The following EP400 variants were observed in gnomAD, a reference collection of about 807,000 sequenced individuals.
EP400 encodes the protein E1A-binding protein p400.
EP400 carries 105 observed loss-of-function variants against 354.1 expected under a neutral mutation model. The ratio of observed to expected loss-of-function variants is 0.30; its 90% CI spans 0.25 to 0.35. The LOEUF is 0.35. Among genes scored for constraint, EP400 ranks in the 10% least tolerant of loss-of-function variants. The pLI is 1.00. For missense variants in EP400, 3,280 were observed against 4,121.0 expected (o/e 0.80, Z 5.59); for synonymous variants, 1,646 against 1,716.9 (o/e 0.96, Z 1.02).
In EP400 at chr12:131,995,047, C is replaced by T. The variant is rs1893157644; in HGVS notation, c.2827+91C>T. 14 of 1,218,884 alleles carry T rather than the reference C, an allele frequency of 1.1e-5. No individual in the cohort carries two copies. The East Asian group carries it at 3.0e-4, about 26-fold the overall frequency. 75.5% of individuals were successfully genotyped at this position (1,218,884 alleles called of 1,614,324 possible). A position where few individuals can be genotyped will look rare whatever the true frequency, so the allele number is the denominator to read the frequency against. ...TGAATAATAATATATTGAGTAACAACAGCAGCAGTGCCTGTTTTATGGAAA... is the reference window on the plus strand; with the variant it reads ...TGAATAATAATATATTGAGTAACAATAGCAGCAGTGCCTGTTTTATGGAAA... On this transcript the variant is annotated intron_variant, in intron 12 of 52. Transcript: ENST00000389561.
chr12:132,060,947 C>CA (rs574290760), intron 45 of EP400, among the ~76,000 whole-genome samples: 78 of 146,320 alleles, frequency 5.3e-4, no homozygotes, highest in Non-Finnish European at 8.9e-4. Context: ...CAAAACAAAA[C>CA]AAAAAAAAAC....
At position 132,045,551 on chromosome 12, in the gene EP400, G is replaced by C. The variant is rs755106829; in HGVS notation, c.7017G>C (p.Ala2339=). 1 of 1,613,886 alleles carries C rather than the reference G, an allele frequency of 6.2e-7. No individual in the cohort carries two copies. Among genetic ancestry groups the C allele is most frequent in the East Asian group, 2.2e-5 (1 of 44,870 alleles). The change falls in exon 38 of 53, where the codon GCG becomes GCC. Residue 2339 remains alanine, a synonymous_variant. Coordinates refer to ENST00000389561, the MANE Select transcript of EP400 (RefSeq NM_015409.5). ...AGTGGCTCATCAGTGAGGACTGGGC[G>C]CTGCTGCAGGTAGGTGGGCGTGGTC... The part of the protein sequence containing the change: ...NPEWLISEDW[A]LLQAVKQLLE...
chr12:131,957,189 A>C (rs1213850248), intron 1 of EP400, among the ~76,000 whole-genome samples: 1 of 151,818 alleles, frequency 6.6e-6, no homozygotes, highest in East Asian at 1.9e-4. Flanking sequence ...TCTTTAATTA[A>C]TTTTTCTACT....
intron 27 of EP400, among the ~76,000 whole-genome samples, chr12:132,028,617 TAA>T (rs1894385496): frequency 6.6e-6 from 1 of 152,190 alleles, no homozygotes. Context: ...ATGATTGCAT[TAA>T]AAGAGCCCCA....
chr12:132,072,228 C>G (rs986406901), intron 51 of EP400, among the ~76,000 whole-genome samples: 1 of 152,206 alleles, frequency 6.6e-6, no homozygotes, highest in Non-Finnish European at 1.5e-5. Context: ...CCGGAGGGCC[C>G]GGGACCGCAG....
intron 3 of EP400, among the ~76,000 whole-genome samples, chr12:131,980,834 G>A (rs942057422): frequency 1.3e-5 from 2 of 151,848 alleles, no homozygotes; most frequent in African/African-American, 4.9e-5. Flanking sequence ...TTATAAGCGT[G>A]AGCCACCGCG....
At chr12:132,016,103 C>T (rs555201988) in intron 19 of EP400, among the ~76,000 whole-genome samples, 1 of 152,238 alleles carries the variant, frequency 6.6e-6, no homozygotes, top group Non-Finnish European at 1.5e-5. Flanking sequence ...CCGGAACCAT[C>T]CGTCGTCTCA....
intron 50 of EP400, 141 bp from the exon 51 acceptor site, chr12:132,069,354 A>G (rs990549916): frequency 6.8e-6 from 8 of 1,176,574 alleles, no homozygotes; most frequent in African/African-American, 1.5e-5. Flanking sequence ...GGGGCAGGAG[A>G]TGTGGGTATG....
chr12:132,044,776 A>G (rs756511002), intron 36 of EP400, 24 bp from the exon 37 acceptor site: 1 of 1,613,972 alleles, frequency 6.2e-7, no homozygotes, highest in Non-Finnish European at 8.5e-7. Context: ...TCCACATCTC[A>G]TGGGCCTTCC....
chr12:132,005,454 C>T (rs1234270759), intron 13 of EP400, among the ~76,000 whole-genome samples: 3 of 151,990 alleles, frequency 2.0e-5, no homozygotes, highest in Admixed American at 2.0e-4. Flanking sequence ...TTTTATGGAC[C>T]TAGATATATT....
At chr12:132,023,458 TTTC>T (rs1228380860) in intron 23 of EP400, among the ~76,000 whole-genome samples, 3 of 151,974 alleles carry the variant, frequency 2.0e-5, no homozygotes, top group Non-Finnish European at 1.5e-5. Flanking sequence ...ACCCAGCTGA[TTTC>T]TGCTATTTTT....
chr12:131,981,538 C>G lies in EP400; in HGVS notation c.1485C>G (p.Phe495Leu), dbSNP rs1440725595. 6.2e-7 allele frequency: 1 copy of G among 1,600,204 alleles called. No homozygotes were observed. The highest frequency in any genetic ancestry group is 8.5e-7 in the Non-Finnish European group (1 of 1,173,682). The change falls in exon 4 of 53, where the codon TTC becomes TTG. Residue 495 changes from phenylalanine (F) to leucine (L), a missense_variant. Coordinates refer to ENST00000389561, the MANE Select transcript of EP400 (RefSeq NM_015409.5). ...AAGTGGGTCACCAAGGGGTAGTTTT[C>G]CAGCACCCAGGGGCGGACGCAGGCG... ...RLEVGHQGVV[F>L]QHPGADAGVP...
At chr12:132,061,861 T>C (rs543853900) in intron 45 of EP400, among the ~76,000 whole-genome samples, 2 of 152,390 alleles carry the variant, frequency 1.3e-5, no homozygotes, top group South Asian at 2.1e-4. Context: ...TTCCAGCATG[T>C]GCACGGGCGT....
At chr12:132,059,025 G>GT (rs1366125639) in intron 45 of EP400, among the ~76,000 whole-genome samples, 3 of 152,096 alleles carry the variant, frequency 2.0e-5, no homozygotes, top group African/African-American at 7.2e-5. Flanking sequence ...AAGAACTGAA[G>GT]TTATTGGATA....
chr12:132,009,239 A>G (rs1893684712), intron 15 of EP400, among the ~76,000 whole-genome samples: 1 of 151,870 alleles, frequency 6.6e-6, no homozygotes, highest in African/African-American at 2.4e-5. Flanking sequence ...GCCTGGAAGT[A>G]GCCTATGCTT....
Position 132,025,566 on chromosome 12 carries a change from T to A in EP400, c.4856-80T>A, listed in dbSNP as rs1649564541. ...TTTTCAGTTTGTCAACTTATTTTTG[T>A]ACTGTTTGGAAGTGCCTGGAGTGTG... On this transcript the variant is annotated intron_variant, in intron 24 of 52. Coordinates refer to ENST00000389561, the MANE Select transcript of EP400 (RefSeq NM_015409.5). The surrounding 1 kb of genome is among the most constrained non-coding windows in gnomAD (Gnocchi z 4.1). 2.2e-5 allele frequency: 30 copies of A among 1,378,798 alleles called. 1 individual carries two copies. In the South Asian group the frequency reaches 2.5e-4, roughly 11 times the overall value. The allele number at this position is 1,378,798 out of a possible 1,614,324, so 85.4% of individuals were successfully genotyped here.
Position 132,076,511 on chromosome 12 carries a change from C to G in EP400, c.9022-5C>G, listed in dbSNP as rs1471929922. 2.5e-6 allele frequency: 4 copies of G among 1,613,910 alleles called. No homozygotes were observed. The highest frequency in any genetic ancestry group is 3.4e-6 in the Non-Finnish European group (4 of 1,180,000). ...GTATGTTTGGCTTTTTTTGTTTTGTCAAAGGTTGCAAAACTTCCTCAAGTT... is the reference window on the plus strand; with the variant it reads ...GTATGTTTGGCTTTTTTTGTTTTGTGAAAGGTTGCAAAACTTCCTCAAGTT... On this transcript the variant is annotated splice_polypyrimidine_tract_variant and splice_region_variant and intron_variant, in intron 51 of 52. Transcript: ENST00000389561.
chr12:131,950,185 C>T (rs1449305738), intron 1 of EP400, 149 bp downstream of exon 1: 1 of 151,930 alleles, frequency 6.6e-6, no homozygotes, highest in Non-Finnish European at 1.5e-5. Flanking sequence ...GCCGTGGCGG[C>T]TGTCGTGAGC....
chr12:132,066,958 A>G lies in EP400; in HGVS notation c.8738A>G (p.Gln2913Arg). 7.5e-6 allele frequency: 12 copies of G among 1,597,818 alleles called. No homozygotes were observed. Among genetic ancestry groups the G allele is most frequent in the Non-Finnish European group, 1.0e-5 (12 of 1,171,508 alleles). The change falls in exon 49 of 53, where the codon CAG (glutamine) becomes CGG (arginine). Residue 2913 changes from glutamine to arginine, a missense_variant. This residue lies in a region of EP400 where 279 missense variants were observed against 386.7 expected (regional missense o/e 0.72). Coordinates refer to ENST00000389561, the MANE Select transcript of EP400 (RefSeq NM_015409.5). ...AGISVAIGQP[Q>R]KAAGQTVVAQ... The stretch of plus-strand genomic sequence containing the variant: ...ATCAGCGTGGCGATCGGTCAGCCAC[A>G]GAAGGCAGCAGGTGCCCGCCCCAGC...
Sources: allele counts gnomAD v4.1 joint callset (sites outside exome capture counted in the v4.1 genomes callset), GRCh38; gene constraint gnomAD v4.1.1; regional missense constraint gnomAD v4.1.1; non-coding constraint Gnocchi (gnomAD v3.1); transcripts MANE v1.5; gene names NCBI Gene and HGNC (gene_info 2026-07-23, HGNC 2026-07-21).